The following SPATA7 variants were observed in gnomAD, a reference collection of about 807,000 sequenced individuals.
SPATA7 encodes spermatogenesis associated 7.
In SPATA7, 43 loss-of-function variants were observed where a neutral mutation model predicts 51.8. The ratio of observed to expected loss-of-function variants is 0.83; its 90% CI spans 0.65 to 1.07. SPATA7 has a LOEUF of 1.07. Ranked by LOEUF, SPATA7 falls within the 50% of genes least tolerant of loss-of-function variation. The probability of loss-of-function intolerance (pLI) is 0.00; values close to 1 mark genes in which losing one functional copy is unlikely to be tolerated. For missense variants in SPATA7, 683 were observed against 701.3 expected (o/e 0.97, Z 0.30); for synonymous variants, 230 against 252.8 (o/e 0.91, Z 0.86).
At chr14:88,417,304 GTT>G (rs11330123) in intron 5 of SPATA7, among the ~76,000 whole-genome samples, 48 of 141,352 alleles carry the variant, frequency 3.4e-4, no homozygotes, top group East Asian at 1.0e-3. Context: ...AATCTGTGGG[GTT>G]TTTTTTTTTT....
chr14:88,410,476 C>T (rs895781209), intron 4 of SPATA7, among the ~76,000 whole-genome samples: 14 of 151,964 alleles, frequency 9.2e-5, no homozygotes, highest in African/African-American at 3.4e-4. Context: ...AAGAGGCGTT[C>T]TGGTTTTTGG....
At chr14:88,463,374 G>A (rs1311583425) in intron 4 of SPATA7, among the ~76,000 whole-genome samples, 1 of 152,012 alleles carries the variant, frequency 6.6e-6, no homozygotes, top group Non-Finnish European at 1.5e-5. Context: ...TGCAACAAAC[G>A]CTGGCATACG....
At chr14:88,468,769 C>T in intron 4 of SPATA7, 3 of 902,124 alleles carry the variant, frequency 3.3e-6, no homozygotes, top group Non-Finnish European at 3.4e-6. Flanking sequence ...CAAGAAGACA[C>T]AGCCTTTTGC....
intron 4 of SPATA7, among the ~76,000 whole-genome samples, chr14:88,398,024 G>C (rs1303939016): frequency 6.6e-6 from 1 of 151,862 alleles, no homozygotes; most frequent in Non-Finnish European, 1.5e-5. Context: ...GGAGCTTGCA[G>C]TGAGCAGAGA....
In SPATA7 at chr14:88,429,415, C is replaced by A; in HGVS notation, c.980C>A (p.Ser327Ter). ...CCTTTACCTTTAGAAGGGCATGACTCAACATGGGATGAGATTAAGGATGAT... is the reference window on the plus strand; with the variant it reads ...CCTTTACCTTTAGAAGGGCATGACTAAACATGGGATGAGATTAAGGATGAT... ...IAPLPLEGHD[S>*]TWDEIKDDAL... The change falls in exon 8 of 12, where the codon TCA becomes TAA. Residue 327 changes from serine to a stop codon, truncating the protein, a stop_gained. Transcript: ENST00000393545. LOFTEE classifies it high-confidence loss of function. The A allele has an allele frequency of 6.2e-7, 1 of 1,612,826 alleles. No individual in the cohort carries two copies. The highest frequency in any genetic ancestry group is 1.1e-5 in the South Asian group (1 of 91,050).
intron 1 of SPATA7, 60 bp from the exon 2 acceptor site, chr14:88,391,321 G>A (rs926594984): frequency 3.0e-6 from 4 of 1,320,532 alleles, no homozygotes; most frequent in Non-Finnish European, 3.2e-6. Context: ...GAATATTGTT[G>A]TTTTTGTAAA....
intron 3 of SPATA7, among the ~76,000 whole-genome samples, chr14:88,450,628 A>G (rs1043221812): frequency 5.3e-5 from 8 of 152,140 alleles, no homozygotes; most frequent in African/African-American, 1.9e-4. Flanking sequence ...TAGGACCCCA[A>G]TCCCTTTTAG....
At chr14:88,451,937 G>A (rs550422608) in intron 3 of SPATA7, among the ~76,000 whole-genome samples, 8 of 152,192 alleles carry the variant, frequency 5.3e-5, no homozygotes, top group African/African-American at 1.4e-4. Context: ...TAGAGATTTT[G>A]TCTTGGTTTG....
intron 1 of SPATA7, among the ~76,000 whole-genome samples, chr14:88,387,914 A>G (rs1313638556): frequency 6.6e-6 from 1 of 152,186 alleles, no homozygotes; most frequent in Non-Finnish European, 1.5e-5. Flanking sequence ...ACCTATTAGT[A>G]TATTACTGAA....
At chr14:88,393,284 G>A in intron 2 of SPATA7, 109 bp from the exon 3 acceptor site, 3 of 779,462 alleles carry the variant, frequency 3.8e-6, no homozygotes, top group Non-Finnish European at 6.3e-6. Context: ...AATATCTCTG[G>A]TTGAATTTCA....
chr14:88,438,119 G>A lies in SPATA7; in HGVS notation c.1497G>A (p.Lys499=). The change falls in exon 12 of 12, where the codon AAG becomes AAA. Residue 499 remains lysine (K), a synonymous_variant. Transcript: ENST00000393545. ...TEFFMPIYKS[K]HSEGVIIQQV... is the part of the protein sequence containing the mutation. ...TTTTCATGCCTATTTATAAATCAAA[G>A]CATTCAGAAGGGGTTATAATTCAAC... The A allele has an allele frequency of 3.1e-6, 5 of 1,613,916 alleles. No individual in the cohort carries two copies. Among genetic ancestry groups the A allele is most frequent in the Non-Finnish European group, 3.4e-6 (4 of 1,179,948 alleles).
chr14:88,394,690 A>C (rs960094140), intron 3 of SPATA7, among the ~76,000 whole-genome samples: 1 of 152,164 alleles, frequency 6.6e-6, no homozygotes, highest in African/African-American at 2.4e-5. Flanking sequence ...TAGAACTGTG[A>C]GGTAATATAT....
intron 4 of SPATA7, among the ~76,000 whole-genome samples, chr14:88,464,191 A>G (rs148391531): frequency 9.2e-5 from 14 of 152,170 alleles, no homozygotes; most frequent in African/African-American, 2.4e-4. Flanking sequence ...TGGAGTTCTT[A>G]TTTCCAGGAA....
chr14:88,467,260 C>G (rs937472829), intron 4 of SPATA7: 5 of 152,216 alleles, frequency 3.3e-5, no homozygotes, highest in Non-Finnish European at 4.4e-5. Context: ...TATATTAAAA[C>G]TCAGATTTGT....
In SPATA7 at chr14:88,412,626, C is replaced by T. The variant is rs182797801; in HGVS notation, c.239-4085C>T. ...TTTGTCAGCACCCTCACAGATATAC[C>T]CAGTACCAATACTTTGCATCCTTCA... On this transcript the variant is annotated intron_variant, in intron 4 of 11. Transcript: ENST00000393545. Among the ~76,000 whole-genome samples, 10 of 152,264 alleles carry T rather than the reference C, an allele frequency of 6.6e-5. No homozygotes were observed. The East Asian group carries it at 1.9e-3, about 29-fold the overall frequency.
intron 4 of SPATA7, among the ~76,000 whole-genome samples, chr14:88,402,979 A>C (rs891496716): frequency 4.0e-5 from 6 of 149,848 alleles, no homozygotes; most frequent in African/African-American, 1.0e-4. Flanking sequence ...AAAAAAAAAA[A>C]AAAACCCAAA....
intron 3 of SPATA7, chr14:88,454,962 C>A: frequency 2.5e-6 from 1 of 403,448 alleles, no homozygotes; most frequent in Non-Finnish European, 4.9e-6. Flanking sequence ...ATCAAAATCA[C>A]CTGGAAAACT....
At chr14:88,431,991 C>T (rs150504718) in intron 9 of SPATA7, among the ~76,000 whole-genome samples, 65 of 152,184 alleles carry the variant, frequency 4.3e-4, no homozygotes, top group Admixed American at 2.0e-3. Context: ...TTATCAATCA[C>T]GTCATTTTTA....
rs756799751 is a variant in SPATA7 at position 88,469,647 on chromosome 14, C to T, written c.255-200C>T. ...AGCCAGAGTCTGTGCGGAACCGGGT[C>T]GTGATCTTAAACCTTCCATAGGTGA... On this transcript the variant is annotated intron_variant, in intron 4 of 4. Transcript: ENST00000556406. This position sits in a 1 kb window ranked among gnomAD's most constrained non-coding sequence, Gnocchi z 4.3. 7.4e-6 allele frequency: 12 copies of T among 1,614,120 alleles called. No individual in the cohort carries two copies. Among genetic ancestry groups the T allele is most frequent in the South Asian group, 6.6e-5 (6 of 91,064 alleles).
Sources: allele counts gnomAD v4.1 joint callset (sites outside exome capture counted in the v4.1 genomes callset), GRCh38; gene constraint gnomAD v4.1.1; non-coding constraint Gnocchi (gnomAD v3.1); transcripts MANE v1.5; gene names NCBI Gene and HGNC (gene_info 2026-07-23, HGNC 2026-07-21).